The following LRRTM4 variants were observed in gnomAD, a reference collection of about 807,000 sequenced individuals.
LRRTM4 encodes the protein leucine-rich repeat transmembrane neuronal protein 4.
A neutral mutation model predicts 47.6 loss-of-function variants in LRRTM4; 25 were observed. The observed-to-expected ratio is 0.53, with a 90% confidence interval of 0.38 to 0.73. LRRTM4 has a LOEUF of 0.73. Among genes scored for constraint, LRRTM4 ranks in the 30% least tolerant of loss-of-function variants. The pLI is 0.00. For missense variants in LRRTM4, 638 were observed against 713.4 expected, an observed-to-expected ratio of 0.89 and a Z score of 1.20; for synonymous variants, 311 against 269.5, an observed-to-expected ratio of 1.15 and a Z score of -1.51.
rs78434600 is a variant in LRRTM4 at position 77,308,329 on chromosome 2, C to A, written c.1551+209989G>T. On this transcript the variant is annotated intron_variant, in intron 3 of 3. Coordinates refer to ENST00000409884, the MANE Select transcript of LRRTM4 (RefSeq NM_001134745.3). ...GAAAGATACTAATACCTTTGTTTTA[C>A]AATTTAAGTTTCAATACTCAGCACC... 3.1e-3 allele frequency among the ~76,000 whole-genome samples: 469 copies of A among 151,828 alleles called. 5 individuals carry two copies. The highest frequency in any genetic ancestry group is 0.015 in the East Asian group (75 of 5,162).
chr2:76,921,953 G>T (rs879351389), intron 3 of LRRTM4, among the ~76,000 whole-genome samples: 1 of 151,966 alleles, frequency 6.6e-6, no homozygotes, highest in Non-Finnish European at 1.5e-5. Flanking sequence ...GCATTTTCAC[G>T]TTCATTGCAG....
At chr2:77,477,292 A>G (rs1174926015) in intron 3 of LRRTM4, among the ~76,000 whole-genome samples, 1 of 152,144 alleles carries the variant, frequency 6.6e-6, no homozygotes, top group African/African-American at 2.4e-5. Flanking sequence ...GATATCATGG[A>G]TGGAGAGTTC....
chr2:77,078,357 A>G (rs1439660275), intron 3 of LRRTM4, among the ~76,000 whole-genome samples: 1 of 143,094 alleles, frequency 7.0e-6, no homozygotes, highest in Non-Finnish European at 1.5e-5. Context: ...TGAAAAAAAT[A>G]TGTTTGTCTA....
intron 3 of LRRTM4, among the ~76,000 whole-genome samples, chr2:77,358,817 A>G (rs1672069298): frequency 6.6e-6 from 1 of 152,164 alleles, no homozygotes. Flanking sequence ...GTGATGTACA[A>G]ATATTTAGTA....
At chr2:77,026,992 A>G (rs988738304) in intron 3 of LRRTM4, among the ~76,000 whole-genome samples, 1 of 152,174 alleles carries the variant, frequency 6.6e-6, no homozygotes, top group Non-Finnish European at 1.5e-5. Flanking sequence ...AATCTGGAAC[A>G]GAATTTGAGT....
chr2:77,046,154 A>G (rs1679228892), intron 3 of LRRTM4, among the ~76,000 whole-genome samples: 1 of 152,056 alleles, frequency 6.6e-6, no homozygotes, highest in East Asian at 1.9e-4. Context: ...GTTTGATTGC[A>G]GTTCAACTAT....
intron 3 of LRRTM4, among the ~76,000 whole-genome samples, chr2:76,815,247 G>A (rs1014761750): frequency 4.6e-5 from 7 of 152,090 alleles, no homozygotes; most frequent in Non-Finnish European, 1.0e-4. Flanking sequence ...TGTGAATTAG[G>A]TAGATGTTTC....
chr2:76,903,429 G>C (rs764237295), intron 3 of LRRTM4, among the ~76,000 whole-genome samples: 2 of 151,586 alleles, frequency 1.3e-5, no homozygotes, highest in Admixed American at 6.6e-5. Context: ...CCAGCTACTC[G>C]GGAGGCTGAG....
intron 3 of LRRTM4, among the ~76,000 whole-genome samples, chr2:76,968,638 G>T (rs1369296214): frequency 6.6e-6 from 1 of 151,482 alleles, no homozygotes; most frequent in African/African-American, 2.4e-5. Flanking sequence ...AAGAGAAGAG[G>T]GAAATGTATG....
chr2:77,159,767 A>AC (rs1243704849), intron 3 of LRRTM4, among the ~76,000 whole-genome samples: 1 of 152,016 alleles, frequency 6.6e-6, no homozygotes, highest in Non-Finnish European at 1.5e-5. Context: ...CTATGGAAGT[A>AC]CATCATGATT....
intron 3 of LRRTM4, among the ~76,000 whole-genome samples, chr2:77,435,591 G>A (rs1354356117): frequency 1.3e-5 from 2 of 152,144 alleles, no homozygotes; most frequent in Non-Finnish European, 2.9e-5. Flanking sequence ...TGGTGACCAA[G>A]AACCCAGCCA....
intron 3 of LRRTM4, among the ~76,000 whole-genome samples, chr2:77,504,784 A>T (rs964282953): frequency 1.1e-4 from 9 of 78,728 alleles, no homozygotes; most frequent in African/African-American, 4.8e-4. Context: ...ACTAGAGAAG[A>T]TGTTTAAGTA....
At chr2:76,761,294 A>T (rs969110017) in intron 3 of LRRTM4, among the ~76,000 whole-genome samples, 1 of 152,156 alleles carries the variant, frequency 6.6e-6, no homozygotes, top group Non-Finnish European at 1.5e-5. Context: ...TTTTTTCTTA[A>T]GCTCATTACC....
chr2:77,032,480 C>T (rs1482911144), intron 3 of LRRTM4, among the ~76,000 whole-genome samples: 1 of 152,018 alleles, frequency 6.6e-6, no homozygotes, highest in African/African-American at 2.4e-5. Context: ...TAGTTTTGTT[C>T]ACGTTGCCAT....
chr2:76,857,321 A>T (rs937733715), intron 3 of LRRTM4, among the ~76,000 whole-genome samples: 4 of 147,930 alleles, frequency 2.7e-5, no homozygotes, highest in Non-Finnish European at 3.0e-5. Context: ...TATATATATA[A>T]TATATATATC....
chr2:77,263,847 C>T (rs972227146), intron 3 of LRRTM4, among the ~76,000 whole-genome samples: 12 of 151,990 alleles, frequency 7.9e-5, no homozygotes, highest in African/African-American at 2.9e-4. Flanking sequence ...ACCTAGATTT[C>T]ACATGGTCCA....
intron 3 of LRRTM4, among the ~76,000 whole-genome samples, chr2:77,514,057 A>AAC (rs927537471): frequency 4.6e-5 from 7 of 151,238 alleles, no homozygotes; most frequent in East Asian, 1.9e-4. Flanking sequence ...CACACACACA[A>AAC]ACACACACAC....
chr2:77,094,695 T>G (rs1670759607), intron 3 of LRRTM4, among the ~76,000 whole-genome samples: 1 of 152,134 alleles, frequency 6.6e-6, no homozygotes, highest in African/African-American at 2.4e-5. Context: ...GTTAGTCTCT[T>G]TAATAAATGG....
intron 3 of LRRTM4, among the ~76,000 whole-genome samples, chr2:77,021,300 A>G (rs543899219): frequency 3.3e-5 from 5 of 152,198 alleles, no homozygotes; most frequent in African/African-American, 1.2e-4. Context: ...GTGCAGAGAG[A>G]GTATGACCAT....
Sources: gnomAD v4.1 joint callset for allele counts (sites outside exome capture counted in the v4.1 genomes callset) on GRCh38, gnomAD v4.1.1 for gene constraint, MANE v1.5 for transcripts, NCBI Gene and HGNC (gene_info 2026-07-23, HGNC 2026-07-21) for gene names.